LRRC37A2: variants seen among roughly 807,000 people sequenced by gnomAD.
The protein encoded by LRRC37A2 is leucine-rich repeat-containing protein 37A2.
In LRRC37A2, 9 loss-of-function variants were observed where a neutral mutation model predicts 68.8. The ratio of observed to expected loss-of-function variants is 0.13; its 90% CI spans 0.08 to 0.23. The LOEUF (loss-of-function observed/expected upper bound fraction) is 0.23, where lower values mean the gene tolerates loss of function less well. Ranked by LOEUF, LRRC37A2 falls within the 10% of genes least tolerant of loss-of-function variation. The pLI is 1.00. For synonymous variants in LRRC37A2, 63 were observed against 367.6 expected, an observed-to-expected ratio of 0.17 and a Z score of 9.48; for missense variants, 168 against 950.4, an observed-to-expected ratio of 0.18 and a Z score of 10.82.
chr17:46,989,361 G>C, the LRRC37A2 span, among the ~76,000 whole-genome samples: 1 of 152,198 alleles, frequency 6.6e-6, no homozygotes, highest in Non-Finnish European at 1.5e-5. Flanking sequence ...GAATTGTAAA[G>C]ACATCTTGCC....
chr17:46,818,809 A>G, the LRRC37A2 span: 1 of 619,014 alleles, frequency 1.6e-6, no homozygotes, highest in Non-Finnish European at 2.9e-6. Context: ...CCGCGGCCTA[A>G]GGTAAGAGAT....
chr17:46,499,506 T>G, the LRRC37A2 span, among the ~76,000 whole-genome samples: 2 of 145,170 alleles, frequency 1.4e-5, no homozygotes, highest in African/African-American at 5.5e-5. Context: ...CCTCAGCAGG[T>G]AGTTTTGTTT....
chr17:46,892,685 C>T, the LRRC37A2 span, among the ~76,000 whole-genome samples: 1 of 152,190 alleles, frequency 6.6e-6, no homozygotes, highest in African/African-American at 2.4e-5. Context: ...TTCTTTCTTT[C>T]CTCCCTCCTC....
chr17:46,926,293 G>A, the LRRC37A2 span, among the ~76,000 whole-genome samples: 1 of 152,110 alleles, frequency 6.6e-6, no homozygotes, highest in Non-Finnish European at 1.5e-5. Context: ...AAACTTACAT[G>A]ATGCTGTGTA....
chr17:47,047,547 C>T, the LRRC37A2 span, among the ~76,000 whole-genome samples: 1 of 151,004 alleles, frequency 6.6e-6, no homozygotes, highest in African/African-American at 2.4e-5. Flanking sequence ...ACACTGTGTA[C>T]TGTGCTCTCT....
At chr17:46,737,176 C>T in the LRRC37A2 span, among the ~76,000 whole-genome samples, 3 of 152,088 alleles carry the variant, frequency 2.0e-5, no homozygotes, top group African/African-American at 7.2e-5. Context: ...AGTCCAAGAA[C>T]ACTGTTCAAT....
the LRRC37A2 span, among the ~76,000 whole-genome samples, chr17:46,810,498 A>G: frequency 6.6e-6 from 1 of 152,134 alleles, no homozygotes; most frequent in South Asian, 2.1e-4. Context: ...CATGCCCACA[A>G]AGATTATTCC....
the LRRC37A2 span, among the ~76,000 whole-genome samples, chr17:46,710,776 CTTTTTTTTTCCTATTG>C: frequency 1.3e-5 from 2 of 151,298 alleles, no homozygotes; most frequent in Admixed American, 1.3e-4. Flanking sequence ...CCCAAAGCAG[CTTTTTTTTTCCTATTG>C]GGAAAAAAGT....
chr17:46,490,404 T>C, the LRRC37A2 span, among the ~76,000 whole-genome samples: 2 of 151,270 alleles, frequency 1.3e-5, no homozygotes, highest in South Asian at 2.1e-4. Context: ...CTTTCATAAA[T>C]AATGCTTCTG....
chr17:46,979,761 T>G, the LRRC37A2 span, among the ~76,000 whole-genome samples: 1 of 144,824 alleles, frequency 6.9e-6, no homozygotes, highest in Non-Finnish European at 1.5e-5. Flanking sequence ...CATTTAACTT[T>G]TTTTTTAAAT....
intron 6 of LRRC37A2, among the ~76,000 whole-genome samples, chr17:46,539,200 G>A (rs1440535256): frequency 1.4e-5 from 1 of 73,452 alleles, no homozygotes; most frequent in Non-Finnish European, 3.6e-5. Context: ...GACAGAGTGA[G>A]ACTCCATCTC....
At chr17:46,979,278 C>T in the LRRC37A2 span, 10 of 294,756 alleles carry the variant, frequency 3.4e-5, no homozygotes, top group African/African-American at 2.2e-4. Flanking sequence ...CGCTGGGTTC[C>T]TCGCGCGCCT....
chr17:46,911,135 T>C, the LRRC37A2 span, among the ~76,000 whole-genome samples: 2 of 152,232 alleles, frequency 1.3e-5, no homozygotes, highest in Non-Finnish European at 2.9e-5. Flanking sequence ...CATTTAATTC[T>C]CTTTCAACTC....
chr17:46,960,928 G>C, the LRRC37A2 span, among the ~76,000 whole-genome samples: 1 of 152,132 alleles, frequency 6.6e-6, no homozygotes, highest in African/African-American at 2.4e-5. Flanking sequence ...ACAACTCTAA[G>C]TATTTGTCAA....
chr17:46,960,283 GAC>G, the LRRC37A2 span, among the ~76,000 whole-genome samples: 4 of 152,126 alleles, frequency 2.6e-5, no homozygotes, highest in African/African-American at 9.7e-5. Context: ...AGACAAATTA[GAC>G]ACACAATGAG....
the LRRC37A2 span, among the ~76,000 whole-genome samples, chr17:46,861,795 A>G: frequency 6.6e-6 from 1 of 152,232 alleles, no homozygotes; most frequent in Non-Finnish European, 1.5e-5. Context: ...GGGCAAGACC[A>G]AAGGGTTTGT....
the LRRC37A2 span, among the ~76,000 whole-genome samples, chr17:46,814,575 C>A: frequency 2.0e-5 from 3 of 152,232 alleles, no homozygotes; most frequent in South Asian, 6.2e-4. Flanking sequence ...CTGGTATCTG[C>A]CCATCTGTCT....
chr17:46,769,009 C>T, the LRRC37A2 span, among the ~76,000 whole-genome samples: 1,075 of 152,278 alleles, frequency 7.1e-3, 11 homozygotes, highest in African/African-American at 0.024. Context: ...GTAGACAGCA[C>T]GTCCACTTCT....
At chr17:46,844,305 C>CTTTTTT in the LRRC37A2 span, among the ~76,000 whole-genome samples, 3 of 127,454 alleles carry the variant, frequency 2.4e-5, no homozygotes, top group East Asian at 2.2e-4. Context: ...AGTTAGCCAC[C>CTTTTTT]TTTTTTTTTT....
Sources: allele counts gnomAD v4.1 joint callset (sites outside exome capture counted in the v4.1 genomes callset), GRCh38; gene constraint gnomAD v4.1.1; transcripts MANE v1.5; gene names NCBI Gene and HGNC (gene_info 2026-07-23, HGNC 2026-07-21).